RBM33: variants seen among roughly 807,000 people sequenced by gnomAD.
RBM33 encodes the protein RNA-binding protein 33.
Under a neutral mutation model 132.6 loss-of-function variants are expected in RBM33, and 28 were observed. That is an observed-to-expected ratio of 0.21 (90% CI 0.16 to 0.29). The LOEUF is 0.29. Ranked by LOEUF, RBM33 falls within the 10% of genes least tolerant of loss-of-function variation. RBM33 has a pLI of 1.00. For synonymous variants in RBM33, 634 were observed against 593.0 expected, an observed-to-expected ratio of 1.07 and a Z score of -1.01; for missense variants, 1,291 against 1,518.5, an observed-to-expected ratio of 0.85 and a Z score of 2.49.
intron 14 of RBM33, among the ~76,000 whole-genome samples, chr7:155,763,216 A>G (rs1459669752): frequency 6.6e-6 from 1 of 152,242 alleles, no homozygotes; most frequent in Admixed American, 6.5e-5. Context: ...AAGGAAGGGA[A>G]GTTTCTAGCC....
At chr7:155,664,783 T>G (rs1004202219) in intron 1 of RBM33, among the ~76,000 whole-genome samples, 1 of 152,340 alleles carries the variant, frequency 6.6e-6, no homozygotes, top group South Asian at 2.1e-4. Context: ...TTCCATGATT[T>G]GGAAAAGTGT....
At chr7:155,744,829 C>T in intron 13 of RBM33, 132 bp from the exon 14 acceptor site, 1 of 905,676 alleles carries the variant, frequency 1.1e-6, no homozygotes, top group Non-Finnish European at 1.6e-6. Flanking sequence ...AGTCTTCAAA[C>T]AGATTTTGAG....
chr7:155,691,189 A>C (rs982698090), intron 5 of RBM33, among the ~76,000 whole-genome samples: 1 of 151,664 alleles, frequency 6.6e-6, no homozygotes, highest in Non-Finnish European at 1.5e-5. Flanking sequence ...TTTTCTCTAA[A>C]CTTCTCTTCT....
chr7:155,745,084 A>G lies in RBM33; in HGVS notation c.2461A>G (p.Lys821Glu). 6.2e-7 allele frequency: 1 copy of G among 1,604,216 alleles called. No homozygotes were observed. The highest frequency in any genetic ancestry group is 8.5e-7 in the Non-Finnish European group (1 of 1,174,976). The change falls in exon 14 of 18, where the codon AAG becomes GAG. Residue 821 changes from lysine (K) to glutamate (E), a missense_variant. By Grantham distance (56) the Lys-to-Glu change is moderately conservative. This residue lies in a region of RBM33 where 841 missense variants were observed against 912.0 expected (regional missense o/e 0.92). Transcript: ENST00000401878. This position sits in a 1 kb window ranked among gnomAD's most constrained non-coding sequence, Gnocchi z 4.1. ...GCAGCAGCAGGCTGGTGCCAGGAAG[A>G]AGGAGCTGCTGGAGAGACTCGCGCA... ...RRQQQAGARK[K>E]ELLERLAQQQ...
chr7:155,762,818 C>T (rs1006454243), intron 14 of RBM33, among the ~76,000 whole-genome samples: 1 of 152,206 alleles, frequency 6.6e-6, no homozygotes, highest in Non-Finnish European at 1.5e-5. Context: ...ACACTCCCTC[C>T]CTGTCGATGT....
intron 8 of RBM33, among the ~76,000 whole-genome samples, chr7:155,717,162 G>T (rs1452969298): frequency 6.6e-6 from 1 of 152,176 alleles, no homozygotes; most frequent in Non-Finnish European, 1.5e-5. Context: ...AATTCCACCT[G>T]ATGTGTACGA....
chr7:155,650,299 C>G (rs956616246), intron 1 of RBM33, among the ~76,000 whole-genome samples: 1 of 152,200 alleles, frequency 6.6e-6, no homozygotes, highest in African/African-American at 2.4e-5. Flanking sequence ...CATCACTGCA[C>G]CAGGAGCACT....
intron 14 of RBM33, among the ~76,000 whole-genome samples, chr7:155,749,982 A>T (rs1204230303): frequency 6.6e-6 from 1 of 152,216 alleles, no homozygotes; most frequent in Admixed American, 6.5e-5. Context: ...AGGCTAATCA[A>T]TTTCTGTGTA....
intron 2 of RBM33, among the ~76,000 whole-genome samples, chr7:155,671,684 G>A (rs1401737151): frequency 6.6e-6 from 1 of 152,144 alleles, no homozygotes; most frequent in East Asian, 1.9e-4. Flanking sequence ...TAAAAATAAA[G>A]CAGCAATTCT....
At chr7:155,686,492 A>G (rs966710896) in intron 5 of RBM33, among the ~76,000 whole-genome samples, 1 of 151,072 alleles carries the variant, frequency 6.6e-6, no homozygotes. Context: ...TTTTTTTTTA[A>G]ATTATATTTT....
chr7:155,644,844 G>A lies in RBM33; in HGVS notation c.-33G>A, dbSNP rs2116853289. The stretch of plus-strand genomic sequence containing the variant: ...ACGTCGGCCCACCAGCTGGCTTGGT[G>A]GGGGAGGCTGAAGGCCGGGCCCCGC... On this transcript the variant is annotated 5_prime_UTR_variant, in exon 1 of 18. Transcript: ENST00000401878. 2 of 1,471,996 alleles carry A rather than the reference G, an allele frequency of 1.4e-6. No individual in the cohort carries two copies. The allele number at this position is 1,471,996 out of a possible 1,614,324, so 91.2% of individuals were successfully genotyped here.
intron 16 of RBM33, among the ~76,000 whole-genome samples, chr7:155,771,262 C>T (rs767615687): frequency 3.9e-5 from 6 of 152,196 alleles, no homozygotes; most frequent in Non-Finnish European, 7.4e-5. Flanking sequence ...TGTCTTTAAG[C>T]TTTCACTGGA....
At chr7:155,674,517 C>T (rs1799123605) in intron 3 of RBM33, among the ~76,000 whole-genome samples, 1 of 152,128 alleles carries the variant, frequency 6.6e-6, no homozygotes, top group South Asian at 2.1e-4. Flanking sequence ...TCTAGGCAAG[C>T]CTCATGTCAT....
At chr7:155,659,508 C>T (rs1267376999) in intron 1 of RBM33, among the ~76,000 whole-genome samples, 2 of 151,868 alleles carry the variant, frequency 1.3e-5, no homozygotes, top group African/African-American at 4.8e-5. Context: ...GAAGAATCAG[C>T]AAACTTGAAG....
intron 14 of RBM33, among the ~76,000 whole-genome samples, chr7:155,755,233 G>A (rs1801811924): frequency 6.6e-6 from 1 of 152,186 alleles, no homozygotes; most frequent in Non-Finnish European, 1.5e-5. Flanking sequence ...TGACAGTGAA[G>A]TATGGCCTTA....
chr7:155,729,152 C>T (rs1381397028), intron 9 of RBM33, among the ~76,000 whole-genome samples: 2 of 152,160 alleles, frequency 1.3e-5, no homozygotes, highest in Non-Finnish European at 2.9e-5. Flanking sequence ...CAAAGTGGGG[C>T]AAGTGCCACT....
rs1406694812 is a variant in RBM33, at chr7:155,768,387, C to T, written c.3375+1732C>T. Among the ~76,000 whole-genome samples, 5 of 152,322 alleles carry T rather than the reference C, an allele frequency of 3.3e-5. No individual in the cohort carries two copies. In the East Asian group the frequency reaches 9.6e-4, roughly 29 times the overall value. On this transcript the variant is annotated intron_variant, in intron 16 of 17. Coordinates refer to ENST00000401878, the MANE Select transcript of RBM33 (RefSeq NM_053043.3). Reference sequence around the variant, plus strand: ...TTTGTATAGACCTCTTAAATGGTCTCTTTTTCCTTCCATTTGCTTCCATTT... The same window carrying T: ...TTTGTATAGACCTCTTAAATGGTCTTTTTTTCCTTCCATTTGCTTCCATTT...
At chr7:155,687,603 G>A (rs958796510) in intron 5 of RBM33, among the ~76,000 whole-genome samples, 2 of 152,078 alleles carry the variant, frequency 1.3e-5, no homozygotes, top group Non-Finnish European at 2.9e-5. Flanking sequence ...GGTTTTTATG[G>A]TTTTAGGTCT....
At chr7:155,720,718 T>C (rs1336495135) in intron 9 of RBM33, among the ~76,000 whole-genome samples, 1 of 152,172 alleles carries the variant, frequency 6.6e-6, no homozygotes, top group African/African-American at 2.4e-5. Context: ...GAAGACAACA[T>C]TGTTGTGGCT....
Sources: allele counts gnomAD v4.1 joint callset (sites outside exome capture counted in the v4.1 genomes callset), GRCh38; gene constraint gnomAD v4.1.1; regional missense constraint gnomAD v4.1.1; non-coding constraint Gnocchi (gnomAD v3.1); transcripts MANE v1.5; gene names NCBI Gene and HGNC (gene_info 2026-07-23, HGNC 2026-07-21).